The following ESRRB variants were observed in gnomAD, a reference collection of about 807,000 sequenced individuals.
ESRRB encodes the protein steroid hormone receptor ERR2.
In ESRRB, 16 loss-of-function variants were observed where a neutral mutation model predicts 46.0. The observed-to-expected ratio is 0.35, with a 90% confidence interval of 0.24 to 0.53. The LOEUF (loss-of-function observed/expected upper bound fraction) is 0.53. Ranked by LOEUF, ESRRB falls within the 20% of genes least tolerant of loss-of-function variation. The probability of loss-of-function intolerance (pLI) is 0.93; values close to 1 mark genes in which losing one functional copy is unlikely to be tolerated. For missense variants in ESRRB, 488 were observed against 607.4 expected (o/e 0.80, Z 2.07); for synonymous variants, 246 against 259.6 (o/e 0.95, Z 0.50).
intron 6 of ESRRB, among the ~76,000 whole-genome samples, chr14:76,496,336 A>T (rs1453054349): frequency 9.3e-6 from 1 of 107,800 alleles, no homozygotes; most frequent in Admixed American, 8.8e-5. Flanking sequence ...GGGAAGAGTA[A>T]ATTGTTTTCA....
chr14:76,347,066 C>T (rs1595051095), intron 1 of ESRRB, among the ~76,000 whole-genome samples: 1 of 152,174 alleles, frequency 6.6e-6, no homozygotes, highest in Non-Finnish European at 1.5e-5. Flanking sequence ...TGAGGTTTCT[C>T]TGACACCTTT....
At chr14:76,349,179 G>A (rs915725866) in intron 1 of ESRRB, among the ~76,000 whole-genome samples, 8 of 152,198 alleles carry the variant, frequency 5.3e-5, no homozygotes, top group South Asian at 2.1e-4. Flanking sequence ...GAGGGCTGGC[G>A]GGGCAGCTGG....
intron 2 of ESRRB, among the ~76,000 whole-genome samples, chr14:76,462,124 C>T (rs1425293279): frequency 6.6e-6 from 1 of 152,156 alleles, no homozygotes; most frequent in Non-Finnish European, 1.5e-5. Context: ...AGGCTTTTCC[C>T]ACATGTTGGG....
At chr14:76,410,699 C>A (rs1453695511) in intron 1 of ESRRB, among the ~76,000 whole-genome samples, 1 of 152,110 alleles carries the variant, frequency 6.6e-6, no homozygotes, top group East Asian at 1.9e-4. Flanking sequence ...TGTGCCTTTC[C>A]CAGAAAGAGA....
chr14:76,456,038 G>GCGCACACA lies in ESRRB; in HGVS notation c.461-6506_461-6505insGCACACAC, dbSNP rs1555399437. 6.1e-4 allele frequency among the ~76,000 whole-genome samples: 84 copies of GCGCACACA among 137,292 alleles called. 1 individual carries two copies. Among genetic ancestry groups the GCGCACACA allele is most frequent in the African/African-American group, 2.2e-3 (82 of 37,082 alleles). 90.1% of individuals were successfully genotyped at this position (137,292 alleles called of 152,430 possible). On this transcript the variant is annotated intron_variant, in intron 2 of 6. Transcript: ENST00000644823. ...AGCCTGGGCAACAAGAGCGAAACTC[G>GCGCACACA]CACACACACACACACACACACACAC... is the stretch of plus-strand genomic sequence containing the variant.
chr14:76,468,835 C>T (rs1889238267), intron 3 of ESRRB, among the ~76,000 whole-genome samples: 1 of 152,118 alleles, frequency 6.6e-6, no homozygotes, highest in Non-Finnish European at 1.5e-5. Flanking sequence ...CTTCTGTGAT[C>T]CAGAGGCAAT....
At chr14:76,374,210 T>A (rs536562150), upstream of ESRRB, among the ~76,000 whole-genome samples, 9 of 152,230 alleles carry the variant, frequency 5.9e-5, no homozygotes, top group Admixed American at 2.0e-4. Flanking sequence ...GATTCTCTGG[T>A]GAACAAAAAG....
rs187685909 is a variant in ESRRB, at chr14:76,481,692, G to A, written c.578-324G>A. On this transcript the variant is annotated intron_variant, in intron 3 of 6. Transcript: ENST00000644823. ...ATTCAAAGCAGATCTAACATAATGT[G>A]ACTTCTTCCGCCAACACTTGGTAGA... is the stretch of plus-strand genomic sequence containing the variant. Among the ~76,000 whole-genome samples, 173 of 152,328 alleles carry A rather than the reference G, an allele frequency of 1.1e-3. 1 individual carries two copies. The highest frequency in any genetic ancestry group is 4.0e-3 in the African/African-American group (168 of 41,580).
At chr14:76,466,419 C>T (rs1375209297) in intron 3 of ESRRB, among the ~76,000 whole-genome samples, 1 of 152,122 alleles carries the variant, frequency 6.6e-6, no homozygotes, top group Non-Finnish European at 1.5e-5. Context: ...CTCTGGCTCT[C>T]CCTCTCTCTT....
At chr14:76,459,196 C>T (rs951819704) in intron 2 of ESRRB, among the ~76,000 whole-genome samples, 10 of 152,136 alleles carry the variant, frequency 6.6e-5, no homozygotes, top group Non-Finnish European at 1.3e-4. Flanking sequence ...TTGCTGGGAA[C>T]ATGAAATCCT....
At chr14:76,354,219 T>TCC (rs1595052871) in intron 1 of ESRRB, among the ~76,000 whole-genome samples, 17 of 56,032 alleles carry the variant, frequency 3.0e-4, no homozygotes, top group East Asian at 2.5e-3. Flanking sequence ...CAGGGTCCTC[T>TCC]ACCCGCCCCC....
chr14:76,484,175 A>T (rs907400172), intron 5 of ESRRB, among the ~76,000 whole-genome samples: 18 of 152,142 alleles, frequency 1.2e-4, no homozygotes, highest in African/African-American at 4.1e-4. Flanking sequence ...CAGTTGATTG[A>T]GAGAATAAAA....
rs796909591 is a variant in ESRRB, at chr14:76,378,567, C to T, written c.50+2116C>T. Among the ~76,000 whole-genome samples, 16 of 152,258 alleles carry T rather than the reference C, an allele frequency of 1.1e-4. 1 individual carries two copies. The highest frequency in any genetic ancestry group is 3.9e-4 in the African/African-American group (16 of 41,556). On this transcript the variant is annotated intron_variant, in intron 1 of 6. Coordinates refer to ENST00000644823, the MANE Select transcript of ESRRB (RefSeq NM_001379180.1). The stretch of plus-strand genomic sequence containing the variant: ...AAGCCAAAAATATACCTGCTGTCTC[C>T]ACCGAGGAATTGAGCACCCCTGTCA...
intron 1 of ESRRB, among the ~76,000 whole-genome samples, chr14:76,364,638 G>A (rs540177756): frequency 6.6e-6 from 1 of 152,096 alleles, no homozygotes; most frequent in Admixed American, 6.5e-5. Flanking sequence ...GGTGCAGTGA[G>A]GTGAGATCAC....
intron 1 of ESRRB, among the ~76,000 whole-genome samples, chr14:76,437,855 C>T (rs576735356): frequency 3.9e-5 from 6 of 152,196 alleles, no homozygotes; most frequent in African/African-American, 1.4e-4. Context: ...GAGGGGAACA[C>T]CCTTGCCCGC....
At position 76,376,231 on chromosome 14, in the gene ESRRB, G is replaced by C. The variant is rs1041919481; in HGVS notation, c.-171G>C. 7.4e-6 allele frequency: 3 copies of C among 407,438 alleles called. No homozygotes were observed. The highest frequency in any genetic ancestry group is 6.2e-5 in the African/African-American group (3 of 48,704). The allele number at this position is 407,438 out of a possible 1,614,324, so 25.2% of individuals were successfully genotyped here. ...ATGAGTGGAGAGCTGGGCTGTGCGC[G>C]CACGGCTCTCTGCCTCCCTCTCCCC... On this transcript the variant is annotated 5_prime_UTR_variant, in exon 1 of 7. Coordinates refer to ENST00000644823, the MANE Select transcript of ESRRB (RefSeq NM_001379180.1). The surrounding 1 kb of genome is among the most constrained non-coding windows in gnomAD (Gnocchi z 4.1).
At position 76,345,464 on chromosome 14, in the gene ESRRB, G is replaced by T. The variant is rs905097737; in HGVS notation, c.2+34548G>T. Reference sequence around the variant, plus strand: ...AATGCTCAACATCACTAAAGATCAGGGAAATGCAAATCAAAACCACAATGC... The same window carrying T: ...AATGCTCAACATCACTAAAGATCAGTGAAATGCAAATCAAAACCACAATGC... On this transcript the variant is annotated intron_variant, in intron 1 of 6. Transcript: ENST00000512784. 1.3e-5 allele frequency among the ~76,000 whole-genome samples: 2 copies of T among 152,130 alleles called. 1 individual carries two copies. The highest frequency in any genetic ancestry group is 2.9e-5 in the Non-Finnish European group (2 of 68,018).
intron 1 of ESRRB, among the ~76,000 whole-genome samples, chr14:76,388,260 G>A (rs530435135): frequency 1.0e-4 from 15 of 148,198 alleles, no homozygotes; most frequent in Admixed American, 2.0e-4. Context: ...CTCACTGCGC[G>A]CTCTGCCTCC....
At chr14:76,446,987 G>T (rs567572159) in intron 2 of ESRRB, among the ~76,000 whole-genome samples, 1 of 152,232 alleles carries the variant, frequency 6.6e-6, no homozygotes, top group African/African-American at 2.4e-5. Context: ...CAATGACTCT[G>T]CCTCCTGTTT....
Sources: allele counts gnomAD v4.1 joint callset (sites outside exome capture counted in the v4.1 genomes callset), GRCh38; gene constraint gnomAD v4.1.1; non-coding constraint Gnocchi (gnomAD v3.1); transcripts MANE v1.5; gene names NCBI Gene and HGNC (gene_info 2026-07-23, HGNC 2026-07-21).